CADPS: variants seen among roughly 807,000 people sequenced by gnomAD.
The protein encoded by CADPS is calcium dependent secretion activator, also known as calcium-dependent secretion activator 1.
Under a neutral mutation model 167.3 loss-of-function variants are expected in CADPS, and 57 were observed. The observed-to-expected ratio is 0.34, with a 90% CI of 0.28 to 0.42. The LOEUF is 0.42. CADPS is among the 20% of genes least tolerant of loss of function. The probability of loss-of-function intolerance (pLI) is 1.00; values close to 1 mark genes in which losing one functional copy is unlikely to be tolerated. For synonymous variants in CADPS, 676 were observed against 635.3 expected (o/e 1.06, Z -0.96); for missense variants, 1,414 against 1,738.1 (o/e 0.81, Z 3.32).
intron 8 of CADPS, among the ~76,000 whole-genome samples, chr3:62,581,297 C>G (rs986003984): frequency 1.3e-5 from 2 of 152,076 alleles, no homozygotes; most frequent in Admixed American, 6.6e-5. Context: ...TCTGATGCTA[C>G]CTTCCCCTAA....
At chr3:62,581,965 A>G (rs75202430) in intron 8 of CADPS, among the ~76,000 whole-genome samples, 2,505 of 152,218 alleles carry the variant, frequency 0.016, 54 homozygotes, top group African/African-American at 0.057. Context: ...TAAGGTCAAG[A>G]AGCAGTGTTG....
rs192939391 is a variant in CADPS, at chr3:62,856,818, A to G, written c.441+17771T>C. On this transcript the variant is annotated intron_variant, in intron 1 of 29. Coordinates refer to ENST00000383710, the MANE Select transcript of CADPS (RefSeq NM_003716.4). Reference sequence around the variant, plus strand: ...TCAACTGAAAGGTCATTCATACGTCATTCATTACACCAATACAAATTTCAA... The same window carrying G: ...TCAACTGAAAGGTCATTCATACGTCGTTCATTACACCAATACAAATTTCAA... Among the ~76,000 whole-genome samples the G allele has an allele frequency of 5.3e-3, 810 of 152,008 alleles. 4 individuals carry two copies. Among genetic ancestry groups the G allele is most frequent in the Non-Finnish European group, 8.5e-3 (575 of 67,878 alleles).
intron 1 of CADPS, among the ~76,000 whole-genome samples, chr3:62,777,346 G>T (rs146395114): frequency 6.6e-6 from 1 of 152,336 alleles, no homozygotes; most frequent in East Asian, 1.9e-4. Flanking sequence ...AATAGAGAGA[G>T]AAGGTACAAG....
intron 26 of CADPS, among the ~76,000 whole-genome samples, chr3:62,447,453 T>A (rs1445958866): frequency 6.6e-6 from 1 of 152,182 alleles, no homozygotes; most frequent in Non-Finnish European, 1.5e-5. Context: ...AATTTTTTTT[T>A]GTGCAATGTC....
chr3:62,734,840 A>C (rs1233915439), intron 3 of CADPS, among the ~76,000 whole-genome samples: 1 of 152,180 alleles, frequency 6.6e-6, no homozygotes, highest in African/African-American at 2.4e-5. Flanking sequence ...ACTGAGCTTT[A>C]TCCTCCCCAT....
At chr3:62,660,154 T>A (rs970837276) in intron 4 of CADPS, among the ~76,000 whole-genome samples, 4 of 137,204 alleles carry the variant, frequency 2.9e-5, no homozygotes, top group Non-Finnish European at 4.8e-5. Context: ...CTAACACCAG[T>A]TTCTTAAATT....
intron 27 of CADPS, chr3:62,439,114 A>G (rs989144240): frequency 4.6e-5 from 7 of 152,128 alleles, no homozygotes; most frequent in African/African-American, 1.7e-4. Context: ...AGTGGCCACA[A>G]ACCCCTCAAA....
Position 62,825,349 on chromosome 3 carries a change from A to G in CADPS, c.441+49240T>C, listed in dbSNP as rs565478167. On this transcript the variant is annotated intron_variant, in intron 1 of 29. Transcript: ENST00000383710. Reference sequence around the variant, plus strand: ...CATAAACGGGATCCCAAAGGCTCTCAAAGTGTGGTATGCAAACCAGCAGCT... The same window carrying G: ...CATAAACGGGATCCCAAAGGCTCTCGAAGTGTGGTATGCAAACCAGCAGCT... Among the ~76,000 whole-genome samples, 360 of 152,290 alleles carry G rather than the reference A, an allele frequency of 2.4e-3. 4 individuals are homozygous for G. The highest frequency in any genetic ancestry group is 0.011 in the South Asian group (55 of 4,828).
chr3:62,523,408 A>G (rs137984876), intron 13 of CADPS, among the ~76,000 whole-genome samples: 2 of 152,320 alleles, frequency 1.3e-5, no homozygotes, highest in East Asian at 3.9e-4. Context: ...TTCAAGATTC[A>G]ATGTGTTTTG....
At chr3:62,546,165 T>A (rs892010777) in intron 11 of CADPS, among the ~76,000 whole-genome samples, 2 of 151,862 alleles carry the variant, frequency 1.3e-5, no homozygotes, top group Non-Finnish European at 2.9e-5. Context: ...AGCTAGAGAA[T>A]CTGTGATTGA....
chr3:62,657,719 T>A (rs1190278452), intron 4 of CADPS, among the ~76,000 whole-genome samples: 1 of 152,194 alleles, frequency 6.6e-6, no homozygotes, highest in African/African-American at 2.4e-5. Context: ...CTCTGTCTGA[T>A]GATTCGTGAG....
intron 18 of CADPS, among the ~76,000 whole-genome samples, chr3:62,496,362 G>A (rs184322728): frequency 4.5e-4 from 69 of 152,256 alleles, no homozygotes; most frequent in Admixed American, 1.0e-3. Context: ...AGCTGTCCAC[G>A]TGATTGCAAT....
intron 13 of CADPS, among the ~76,000 whole-genome samples, chr3:62,522,582 A>G (rs1479297727): frequency 6.6e-6 from 1 of 152,092 alleles, no homozygotes; most frequent in African/African-American, 2.4e-5. Context: ...TCATCCTAAT[A>G]AACTCTCCTT....
chr3:62,516,124 C>T lies in CADPS; in HGVS notation c.2516G>A (p.Arg839His), dbSNP rs184805711. 54 of 1,613,314 alleles carry T rather than the reference C, an allele frequency of 3.3e-5. No individual in the cohort carries two copies. In the East Asian group the frequency reaches 6.2e-4, roughly 19 times the overall value. ...VPQEEVKTVI[R>H]KCLEQAALVN... ...TAACGCAGCCTGTTCCAGACATTTA[C>T]GGATAACTGTTTTTACCTCCTCTTG... The change falls in exon 16 of 30, where the codon CGT (arginine) becomes CAT (histidine). Residue 839 changes from arginine (R) to histidine (H), a missense_variant. Arg to His is a conservative substitution (Grantham distance 29, BLOSUM62 0). This residue lies in a region of CADPS where 529 missense variants were observed against 629.6 expected (regional missense o/e 0.84). Coordinates refer to ENST00000383710, the MANE Select transcript of CADPS (RefSeq NM_003716.4).
chr3:62,423,365 G>A (rs1423209523), intron 28 of CADPS, among the ~76,000 whole-genome samples: 3 of 152,174 alleles, frequency 2.0e-5, no homozygotes, highest in Admixed American at 2.0e-4. Flanking sequence ...AATAAGCCAC[G>A]TTCTAGCTAG....
intron 3 of CADPS, among the ~76,000 whole-genome samples, chr3:62,726,409 G>A (rs2076752944): frequency 6.6e-6 from 1 of 151,820 alleles, no homozygotes; most frequent in Non-Finnish European, 1.5e-5. Context: ...TTTGGTTCCA[G>A]ACTAAAGAGT....
chr3:62,851,116 C>A (rs1167588451), intron 1 of CADPS, among the ~76,000 whole-genome samples: 60 of 123,742 alleles, frequency 4.8e-4, no homozygotes, highest in Admixed American at 1.2e-3. Flanking sequence ...TTTTTGTTTT[C>A]CATTTGCTTG....
Position 62,843,710 on chromosome 3 carries a change from A to C in CADPS, c.441+30879T>G, listed in dbSNP as rs928493402. Among the ~76,000 whole-genome samples the C allele has an allele frequency of 5.9e-5, 9 of 152,202 alleles. No homozygotes were observed. In the South Asian group the frequency reaches 1.2e-3, roughly 21 times the overall value. On this transcript the variant is annotated intron_variant, in intron 1 of 29. Transcript: ENST00000383710. The stretch of plus-strand genomic sequence containing the variant: ...TTCTAGCCAGCTAGAAGGAGGAAGG[A>C]GGCAGAGGCCACTTCCTTAAATGAC...
At chr3:62,718,850 T>A (rs932706115) in intron 3 of CADPS, among the ~76,000 whole-genome samples, 1 of 152,180 alleles carries the variant, frequency 6.6e-6, no homozygotes, top group Non-Finnish European at 1.5e-5. Flanking sequence ...CCTCCTTGAA[T>A]GTGAGAAGTG....
Sources: allele counts gnomAD v4.1 joint callset (sites outside exome capture counted in the v4.1 genomes callset), GRCh38; gene constraint gnomAD v4.1.1; regional missense constraint gnomAD v4.1.1; transcripts MANE v1.5; gene names NCBI Gene and HGNC (gene_info 2026-07-23, HGNC 2026-07-21).